NTHL1: variants seen among roughly 807,000 people sequenced by gnomAD.
NTHL1 encodes the protein endonuclease III-like protein 1.
NTHL1 carries 32 observed loss-of-function variants against 32.3 expected under a neutral mutation model. That is an observed-to-expected ratio of 0.99 (90% confidence interval 0.75 to 1.33). NTHL1 has a LOEUF of 1.33. NTHL1 is among the 40% of genes most tolerant of loss of function. NTHL1 has a pLI of 0.00. For missense variants in NTHL1, 501 were observed against 414.1 expected, an observed-to-expected ratio of 1.21 and a Z score of -1.82; for synonymous variants, 188 against 176.9, an observed-to-expected ratio of 1.06 and a Z score of -0.50.
intron 4 of NTHL1, among the ~76,000 whole-genome samples, chr16:2,042,692 C>T (rs936031038): frequency 3.9e-5 from 6 of 152,102 alleles, no homozygotes; most frequent in African/African-American, 1.4e-4. Flanking sequence ...GGTCTGTCTG[C>T]ACCCAACTGC....
intron 4 of NTHL1, chr16:2,042,194 C>G (rs770468655): frequency 5.6e-5 from 24 of 430,314 alleles, no homozygotes; most frequent in South Asian, 3.8e-4. Context: ...GCCCGCTGCT[C>G]CCAAAGCCCG....
rs1039610619 is a variant in NTHL1 at position 2,044,375 on chromosome 16, C to T, written c.525+255G>A. ...AAGGCGGGTGGGCAGGCAGCCTTGG[C>T]GGTGAGGAAGGGTGGGCAGGCGGCG... On this transcript the variant is annotated intron_variant, in intron 3 of 5. Transcript: ENST00000651570. This position sits in a 1 kb window ranked among gnomAD's most constrained non-coding sequence, Gnocchi z 5.0. 6.6e-6 allele frequency among the ~76,000 whole-genome samples: 1 copy of T among 151,970 alleles called. No homozygotes were observed. Among genetic ancestry groups the T allele is most frequent in the East Asian group, 1.9e-4 (1 of 5,162 alleles).
Position 2,043,562 on chromosome 16 carries a change from C to T in NTHL1, c.685+5G>A, listed in dbSNP as rs953483709. The T allele has an allele frequency of 1.4e-5, 23 of 1,605,828 alleles. No homozygotes were observed. Among genetic ancestry groups the T allele is most frequent in the Non-Finnish European group, 1.9e-5 (22 of 1,179,898 alleles). ...CTGGAGCCAGCCCCGCCCTCCTCTA[C>T]TCACCAATGCCTGACACAGTGCCCC... On this transcript the variant is annotated splice_donor_5th_base_variant and intron_variant, in intron 4 of 5. Transcript: ENST00000651570. The surrounding 1 kb of genome is among the most constrained non-coding windows in gnomAD (Gnocchi z 4.4).
chr16:2,045,337 CA>C (rs886867892), intron 2 of NTHL1, among the ~76,000 whole-genome samples: 1 of 150,398 alleles, frequency 6.6e-6, no homozygotes, highest in African/African-American at 2.4e-5. Context: ...GACTTGGTCT[CA>C]AAAAAAAACC....
chr16:2,042,122 T>C (rs1346294503), intron 4 of NTHL1: 3 of 455,588 alleles, frequency 6.6e-6, no homozygotes, highest in South Asian at 4.6e-5. Context: ...GGGGTCTCCT[T>C]GCAGGTGGTC....
intron 4 of NTHL1, 200 bp from the exon 5 acceptor site, chr16:2,040,438 G>T (rs537418577): frequency 4.7e-6 from 3 of 644,008 alleles, no homozygotes; most frequent in South Asian, 3.5e-5. Context: ...CCCTCTGTTG[G>T]GGTGCAGGCC....
chr16:2,044,918 T>A lies in NTHL1; in HGVS notation c.355-118A>T. On this transcript the variant is annotated intron_variant, in intron 2 of 5. Transcript: ENST00000651570. The surrounding 1 kb of genome is among the most constrained non-coding windows in gnomAD (Gnocchi z 5.0). ...GTTGCCCTGGGCCACACTTGAGGCA[T>A]CAGCCTCCCCCTGTGGGGTGGGGAG... 2 of 1,202,392 alleles carry A rather than the reference T, an allele frequency of 1.7e-6. No individual in the cohort carries two copies. 74.5% of individuals were successfully genotyped at this position (1,202,392 alleles called of 1,614,324 possible). A position where few individuals can be genotyped will look rare whatever the true frequency, so the allele number is the denominator to read the frequency against.
chr16:2,043,597 C>T lies in NTHL1; in HGVS notation c.655G>A (p.Ala219Thr). ...CCTGACACAGTGCCCCAGGCCACAG[C>T]CATAGCCAGGTGTGCCATCTTGGGC... Reference protein sequence around the residue: ...VGPKMAHLAMAVAWGTVSGIA... With the variant: ...VGPKMAHLAMTVAWGTVSGIA... Residue 219 changes from alanine (A) to threonine (T), a missense_variant, in exon 4 of 6, where the codon GCT (alanine) becomes ACT (threonine). By Grantham distance (58) the Ala-to-Thr change is moderately conservative. Coordinates refer to ENST00000651570, the MANE Select transcript of NTHL1 (RefSeq NM_002528.7). This position sits in a 1 kb window ranked among gnomAD's most constrained non-coding sequence, Gnocchi z 4.4. 2 of 1,609,418 alleles carry T rather than the reference C, an allele frequency of 1.2e-6. No individual in the cohort carries two copies.
intron 1 of NTHL1, 23 bp downstream of exon 1, chr16:2,047,686 C>A (rs914753118): frequency 3.8e-6 from 6 of 1,562,848 alleles, no homozygotes; most frequent in Admixed American, 1.8e-5. Flanking sequence ...TCCTCCCACG[C>A]TCCAGCCACG....
intron 4 of NTHL1, 52 bp from the exon 5 acceptor site, chr16:2,040,290 C>A (rs562909852): frequency 1.3e-6 from 2 of 1,544,854 alleles, no homozygotes; most frequent in Middle Eastern, 3.4e-4. Flanking sequence ...CAGCCTAGCC[C>A]GTGCCCCTCC....
chr16:2,042,156 G>C (rs1469453800), intron 4 of NTHL1: 1 of 453,234 alleles, frequency 2.2e-6, no homozygotes, highest in Non-Finnish European at 4.4e-6. Context: ...CCTGGAGAGG[G>C]AGGTATTTCC....
At chr16:2,042,001 C>T (rs922710379) in intron 4 of NTHL1, 4 of 455,436 alleles carry the variant, frequency 8.8e-6, no homozygotes, top group South Asian at 3.1e-5. Flanking sequence ...GATCCACATA[C>T]CTCGGCCTTC....
rs746940807 is a variant in NTHL1 at position 2,044,721 on chromosome 16, C to A, written c.434G>T (p.Arg145Leu). 6.2e-7 allele frequency: 1 copy of A among 1,611,804 alleles called. No individual in the cohort carries two copies. Among genetic ancestry groups the A allele is most frequent in the Non-Finnish European group, 8.5e-7 (1 of 1,179,622 alleles). ...CACCGTCAGGCCCCGCGCCCGCAGT[C>A]GCTGCATGGCGCCCGCCGTCACCTG... ...KDQVTAGAMQ[R>L]LRARGLTVDS... Residue 145 changes from arginine (R) to leucine (L), a missense_variant, in exon 3 of 6, where the codon CGA becomes CTA. Transcript: ENST00000651570. This position sits in a 1 kb window ranked among gnomAD's most constrained non-coding sequence, Gnocchi z 5.0.
Position 2,044,606 on chromosome 16 carries a change from C to G in NTHL1, c.525+24G>C, listed in dbSNP as rs754383091. ...TCTCTCAGGCCACTGCCACCCGGCC[C>G]CCGTTGCCACAGGCAGGGCTCACCC... On this transcript the variant is annotated intron_variant, in intron 3 of 5. Transcript: ENST00000651570. This position sits in a 1 kb window ranked among gnomAD's most constrained non-coding sequence, Gnocchi z 5.0. The G allele has an allele frequency of 6.3e-7, 1 of 1,599,544 alleles. No individual in the cohort carries two copies. The highest frequency in any genetic ancestry group is 1.1e-5 in the South Asian group (1 of 91,022).
rs1004712422 is a variant in NTHL1, at chr16:2,045,625, C to T, written c.354+503G>A. ...CTAATTTTTGTATTTTTAGTAGAGA[C>T]GTGGTTTCGCCACATTGGCCAGGCT... On this transcript the variant is annotated intron_variant, in intron 2 of 5. Transcript: ENST00000651570. 4.6e-5 allele frequency among the ~76,000 whole-genome samples: 7 copies of T among 152,152 alleles called. No individual in the cohort carries two copies. The East Asian group carries it at 5.9e-4, about 13-fold the overall frequency.
In NTHL1 at chr16:2,046,336, C is replaced by T. The variant is rs566254536; in HGVS notation, c.146G>A (p.Arg49His). The T allele has an allele frequency of 1.6e-5, 25 of 1,610,270 alleles. No homozygotes were observed. Among genetic ancestry groups the T allele is most frequent in the Middle Eastern group, 3.3e-4 (2 of 6,048 alleles). ...EARKSHSPVK[R>H]PRKAQRLRVA... ...ACGCAGTCTCTGTGCTTTCCGCGGA[C>T]GCTTCACGGGGCTGTGGCTTTTCCT... The change falls in exon 2 of 6, where the codon CGT (arginine) becomes CAT (histidine). Residue 49 changes from arginine (R) to histidine (H), a missense_variant. Physicochemically the swap from Arg to His is conservative, Grantham distance 29. Transcript: ENST00000651570.
intron 4 of NTHL1, among the ~76,000 whole-genome samples, chr16:2,041,631 G>A (rs997258945): frequency 1.3e-5 from 2 of 149,626 alleles, no homozygotes; most frequent in African/African-American, 4.9e-5. Flanking sequence ...TTGGTGAGAC[G>A]GAGTCACGCT....
At position 2,044,518 on chromosome 16, in the gene NTHL1, G is replaced by A. The variant is rs1359111046; in HGVS notation, c.525+112C>T. On this transcript the variant is annotated intron_variant, in intron 3 of 5. Coordinates refer to ENST00000651570, the MANE Select transcript of NTHL1 (RefSeq NM_002528.7). The surrounding 1 kb of genome is among the most constrained non-coding windows in gnomAD (Gnocchi z 5.0). The stretch of plus-strand genomic sequence containing the variant: ...GGGGGGGGCTTCAGGGGGACCCCCC[G>A]AGCCTGAGATGCTTGACCCTCACTT... 1.9e-5 allele frequency: 27 copies of A among 1,431,156 alleles called. No homozygotes were observed. Among genetic ancestry groups the A allele is most frequent in the Non-Finnish European group, 2.2e-5 (23 of 1,034,896 alleles). The allele number at this position is 1,431,156 out of a possible 1,614,324, so 88.7% of individuals were successfully genotyped here.
chr16:2,043,918 C>G lies in NTHL1; in HGVS notation c.526-192G>C, dbSNP rs1008044002. On this transcript the variant is annotated intron_variant, in intron 3 of 5. Coordinates refer to ENST00000651570, the MANE Select transcript of NTHL1 (RefSeq NM_002528.7). This position sits in a 1 kb window ranked among gnomAD's most constrained non-coding sequence, Gnocchi z 4.4. ...GGGAGGCCCAAGGTAGGCCTGACCC[C>G]CTCCTCCCACCCGTGTGGGCCAATG... 6.4e-6 allele frequency: 4 copies of G among 625,170 alleles called. No individual in the cohort carries two copies. The African/African-American group carries it at 7.3e-5, about 11-fold the overall frequency. 38.7% of individuals were successfully genotyped at this position (625,170 alleles called of 1,614,324 possible).
Sources: allele counts gnomAD v4.1 joint callset (sites outside exome capture counted in the v4.1 genomes callset), GRCh38; gene constraint gnomAD v4.1.1; non-coding constraint Gnocchi (gnomAD v3.1); transcripts MANE v1.5; gene names NCBI Gene and HGNC (gene_info 2026-07-23, HGNC 2026-07-21).